Variants in PTPRD observed in about 807,000 individuals in gnomAD.
PTPRD encodes the protein protein tyrosine phosphatase receptor type D.
A neutral mutation model predicts 214.5 loss-of-function variants in PTPRD; 34 were observed. That is an observed-to-expected ratio of 0.16 (90% CI 0.12 to 0.21). The LOEUF (loss-of-function observed/expected upper bound fraction) is 0.21. Among genes scored for constraint, PTPRD ranks in the 10% least tolerant of loss-of-function variants. The probability of loss-of-function intolerance (pLI) is 1.00; values close to 1 mark genes in which losing one functional copy is unlikely to be tolerated. For missense variants in PTPRD, 2,545 were observed against 2,398.7 expected, an observed-to-expected ratio of 1.06 and a Z score of -1.27; for synonymous variants, 1,128 against 845.7, an observed-to-expected ratio of 1.33 and a Z score of -5.79.
At chr9:8,527,781 G>GGAAAAGGA (rs1183609131) in intron 15 of PTPRD, among the ~76,000 whole-genome samples, 1 of 152,046 alleles carries the variant, frequency 6.6e-6, no homozygotes, top group African/African-American at 2.4e-5. Flanking sequence ...GATGGGAATG[G>GGAAAAGGA]GAAAAGGAGA....
intron 33 of PTPRD, chr9:8,454,434 G>C (rs1346205952): frequency 1.4e-6 from 1 of 703,190 alleles, no homozygotes; most frequent in South Asian, 1.8e-5. Flanking sequence ...TGAAGTTACT[G>C]TGTATATGTA....
chr9:9,413,766 C>G (rs1050920097), intron 8 of PTPRD, among the ~76,000 whole-genome samples: 1 of 152,132 alleles, frequency 6.6e-6, no homozygotes, highest in Non-Finnish European at 1.5e-5. Context: ...GGATATCTGT[C>G]TCTGAGGATT....
At position 9,183,399 on chromosome 9, in the gene PTPRD, A is replaced by T. The variant is rs1396270868; in HGVS notation, c.-202-36T>A. The stretch of plus-strand genomic sequence containing the variant: ...AGATAGAAAGTAACAATTATTTAAA[A>T]AATATTTTAATCCCTACATTGTCTT... On this transcript the variant is annotated intron_variant, in intron 9 of 45. Transcript: ENST00000381196. 3.3e-5 allele frequency: 5 copies of T among 151,538 alleles called. No homozygotes were observed. The East Asian group carries it at 9.9e-4, about 30-fold the overall frequency. The allele number at this position is 151,538 out of a possible 1,614,324, so 9.4% of individuals were successfully genotyped here.
chr9:8,988,178 T>C (rs1668098486), intron 11 of PTPRD, among the ~76,000 whole-genome samples: 1 of 152,068 alleles, frequency 6.6e-6, no homozygotes, highest in Non-Finnish European at 1.5e-5. Context: ...TCAAAGATAG[T>C]ACCCACACCC....
chr9:9,314,427 A>G (rs778937870), intron 9 of PTPRD, among the ~76,000 whole-genome samples: 7 of 152,170 alleles, frequency 4.6e-5, no homozygotes, highest in Non-Finnish European at 8.8e-5. Context: ...GACATAAATT[A>G]GTAGTAAATG....
intron 10 of PTPRD, among the ~76,000 whole-genome samples, chr9:9,058,606 C>T (rs1272085980): frequency 2.0e-5 from 3 of 150,902 alleles, no homozygotes; most frequent in Middle Eastern, 3.2e-3. Flanking sequence ...CCCGCCACCT[C>T]GCCCGGCTAA....
At chr9:8,649,064 G>C (rs1439584387) in intron 12 of PTPRD, among the ~76,000 whole-genome samples, 1 of 152,122 alleles carries the variant, frequency 6.6e-6, no homozygotes, top group East Asian at 1.9e-4. Context: ...AAACTGAAGT[G>C]GGAAAGAAAG....
chr9:9,849,104 G>C (rs1261795838), intron 5 of PTPRD, among the ~76,000 whole-genome samples: 1 of 151,668 alleles, frequency 6.6e-6, no homozygotes, highest in African/African-American at 2.4e-5. Context: ...ATAGACACAG[G>C]GTGGTCACTT....
chr9:9,782,742 C>A (rs1189626832), intron 5 of PTPRD, among the ~76,000 whole-genome samples: 1 of 152,108 alleles, frequency 6.6e-6, no homozygotes, highest in East Asian at 1.9e-4. Context: ...CAAGTCCTCA[C>A]AGTTATTATA....
At chr9:8,810,005 T>C (rs976558521) in intron 11 of PTPRD, among the ~76,000 whole-genome samples, 1 of 152,150 alleles carries the variant, frequency 6.6e-6, no homozygotes, top group African/African-American at 2.4e-5. Flanking sequence ...AGTAAGACAA[T>C]GTGGGCCAAT....
At chr9:8,329,790 G>A (rs993073233) in intron 44 of PTPRD, among the ~76,000 whole-genome samples, 2 of 152,074 alleles carry the variant, frequency 1.3e-5, no homozygotes, top group African/African-American at 4.8e-5. Context: ...TGAACTTCCT[G>A]CTGGCTTTGT....
At chr9:8,736,759 C>G (rs998451140) in intron 11 of PTPRD, among the ~76,000 whole-genome samples, 1 of 151,308 alleles carries the variant, frequency 6.6e-6, no homozygotes, top group African/African-American at 2.4e-5. Context: ...CAGTGGAAAA[C>G]TTCTTGAATC....
chr9:9,775,744 C>T (rs1035245195), intron 5 of PTPRD, among the ~76,000 whole-genome samples: 1 of 152,042 alleles, frequency 6.6e-6, no homozygotes, highest in Non-Finnish European at 1.5e-5. Context: ...GAGACTGAGA[C>T]CATCCTGGCT....
chr9:9,153,272 G>C (rs1173159449), intron 10 of PTPRD, among the ~76,000 whole-genome samples: 1 of 152,146 alleles, frequency 6.6e-6, no homozygotes, highest in Non-Finnish European at 1.5e-5. Flanking sequence ...TAAATGGATG[G>C]AAAATAGACT....
At chr9:10,084,714 T>C (rs925376273) in intron 3 of PTPRD, among the ~76,000 whole-genome samples, 3 of 152,002 alleles carry the variant, frequency 2.0e-5, no homozygotes, top group Admixed American at 1.3e-4. Flanking sequence ...CTCTGCCTTG[T>C]GGTGTGAAAA....
intron 9 of PTPRD, among the ~76,000 whole-genome samples, chr9:9,239,564 A>C (rs1000333700): frequency 2.0e-5 from 3 of 152,162 alleles, no homozygotes; most frequent in Admixed American, 1.3e-4. Flanking sequence ...TTATTGGTGG[A>C]CTGAAGCTAT....
At chr9:9,022,263 A>G (rs893836876) in intron 10 of PTPRD, among the ~76,000 whole-genome samples, 2 of 152,146 alleles carry the variant, frequency 1.3e-5, no homozygotes, top group Admixed American at 1.3e-4. Context: ...CAGGGTTTAT[A>G]AAGTCTATAG....
chr9:8,893,192 C>G (rs1305756480), intron 11 of PTPRD, among the ~76,000 whole-genome samples: 1 of 152,000 alleles, frequency 6.6e-6, no homozygotes, highest in Non-Finnish European at 1.5e-5. Flanking sequence ...AGAAAAAAAT[C>G]TGATGGGACA....
intron 8 of PTPRD, among the ~76,000 whole-genome samples, chr9:9,403,458 G>A (rs1013509022): frequency 4.0e-4 from 58 of 145,414 alleles, no homozygotes; most frequent in Admixed American, 6.9e-4. Flanking sequence ...CATATCCGAA[G>A]TAAGATGCAC....
Sources: allele counts gnomAD v4.1 joint callset (sites outside exome capture counted in the v4.1 genomes callset), GRCh38; gene constraint gnomAD v4.1.1; transcripts MANE v1.5; gene names NCBI Gene and HGNC (gene_info 2026-07-23, HGNC 2026-07-21).